The following RANBP2 variants were observed in gnomAD, a reference collection of about 807,000 sequenced individuals.
RANBP2 encodes E3 SUMO-protein ligase RanBP2.
Under a neutral mutation model 303.6 loss-of-function variants are expected in RANBP2, and 57 were observed. That is an observed-to-expected ratio of 0.19 (90% CI 0.15 to 0.23). RANBP2 has a LOEUF of 0.23. Among genes scored for constraint, RANBP2 ranks in the 10% least tolerant of loss-of-function variants. The probability of loss-of-function intolerance (pLI) is 1.00; values close to 1 mark genes in which losing one functional copy is unlikely to be tolerated. For synonymous variants in RANBP2, 1,167 were observed against 1,301.5 expected, an observed-to-expected ratio of 0.90 and a Z score of 2.23; for missense variants, 3,138 against 3,780.8, an observed-to-expected ratio of 0.83 and a Z score of 4.46.
the RANBP2 span, among the ~76,000 whole-genome samples, chr2:109,284,744 G>T: frequency 6.6e-6 from 1 of 152,198 alleles, no homozygotes; most frequent in African/African-American, 2.4e-5. Flanking sequence ...TGCAGGTGAA[G>T]TCCCCGCATG....
At chr2:108,982,162 A>G in the RANBP2 span, among the ~76,000 whole-genome samples, 3 of 152,246 alleles carry the variant, frequency 2.0e-5, no homozygotes, top group African/African-American at 7.2e-5. Flanking sequence ...AGATCTCCCA[A>G]AGCCTTGAGA....
the RANBP2 span, among the ~76,000 whole-genome samples, chr2:108,953,394 G>A: frequency 1.3e-5 from 2 of 152,074 alleles, no homozygotes; most frequent in East Asian, 3.9e-4. Flanking sequence ...ACAAATTGTA[G>A]ATACTTTATC....
the RANBP2 span, among the ~76,000 whole-genome samples, chr2:108,796,541 C>T: frequency 6.6e-6 from 1 of 152,148 alleles, no homozygotes; most frequent in Non-Finnish European, 1.5e-5. Flanking sequence ...TTGTTCATTG[C>T]AGCTCTGTTC....
chr2:109,200,980 C>G, the RANBP2 span, among the ~76,000 whole-genome samples: 1 of 152,160 alleles, frequency 6.6e-6, no homozygotes, highest in Admixed American at 6.5e-5. Context: ...ACCCGGGCTG[C>G]TGCTGGGGAC....
At chr2:108,954,299 C>G in the RANBP2 span, among the ~76,000 whole-genome samples, 1 of 152,180 alleles carries the variant, frequency 6.6e-6, no homozygotes, top group African/African-American at 2.4e-5. Flanking sequence ...AAGACCTATA[C>G]CCCAAGATAT....
At chr2:109,583,849 A>C in the RANBP2 span, among the ~76,000 whole-genome samples, 3 of 152,318 alleles carry the variant, frequency 2.0e-5, no homozygotes, top group Admixed American at 2.0e-4. Flanking sequence ...ACATGGATGA[A>C]GCTGGAGGCC....
At chr2:109,090,334 A>ACG in the RANBP2 span, among the ~76,000 whole-genome samples, 36 of 142,202 alleles carry the variant, frequency 2.5e-4, no homozygotes, top group African/African-American at 9.1e-4. Flanking sequence ...ACACACACAC[A>ACG]CACACACACA....
chr2:108,841,306 A>G, the RANBP2 span, among the ~76,000 whole-genome samples: 2,704 of 152,270 alleles, frequency 0.018, 91 homozygotes, highest in African/African-American at 0.063. Context: ...GAGTTGTTCT[A>G]TATCCTTGCT....
At chr2:109,565,086 G>A in the RANBP2 span, among the ~76,000 whole-genome samples, 4 of 151,856 alleles carry the variant, frequency 2.6e-5, no homozygotes, top group Non-Finnish European at 4.4e-5. Flanking sequence ...GTGACCAGAG[G>A]ACTACAAATA....
chr2:109,437,731 A>T, the RANBP2 span, among the ~76,000 whole-genome samples: 10 of 151,342 alleles, frequency 6.6e-5, no homozygotes, highest in East Asian at 2.0e-3. Flanking sequence ...CTTAAGGAAA[A>T]CCGGTTTGGC....
the RANBP2 span, chr2:109,503,658 G>C: frequency 3.7e-4 from 57 of 152,344 alleles, no homozygotes; most frequent in African/African-American, 1.3e-3. Context: ...GAGGTGCACA[G>C]ATCAACAACC....
intron 1 of RANBP2, among the ~76,000 whole-genome samples, chr2:108,728,616 GAT>G (rs1694926765): frequency 1.3e-5 from 2 of 150,130 alleles, no homozygotes; most frequent in East Asian, 1.9e-4. Context: ...TGATGATGAT[GAT>G]GATGATGATG....
At chr2:109,001,788 A>T in the RANBP2 span, among the ~76,000 whole-genome samples, 1 of 152,050 alleles carries the variant, frequency 6.6e-6, no homozygotes, top group Non-Finnish European at 1.5e-5. Context: ...TAGAGTGCAG[A>T]GGCGCAATCT....
the RANBP2 span, among the ~76,000 whole-genome samples, chr2:109,718,959 G>A: frequency 7.1e-6 from 1 of 140,756 alleles, no homozygotes; most frequent in Non-Finnish European, 1.5e-5. Context: ...GCAGTGAGCT[G>A]AGATTGTGCC....
At chr2:109,576,802 A>C in the RANBP2 span, among the ~76,000 whole-genome samples, 3 of 152,218 alleles carry the variant, frequency 2.0e-5, no homozygotes, top group African/African-American at 4.8e-5. Flanking sequence ...AAGATAAAAA[A>C]TATGAATCAG....
chr2:109,123,173 C>T, the RANBP2 span, among the ~76,000 whole-genome samples: 6 of 152,244 alleles, frequency 3.9e-5, no homozygotes, highest in South Asian at 2.1e-4. Flanking sequence ...AGGTATCAGC[C>T]GTGGCTCAGA....
chr2:108,980,636 T>C, the RANBP2 span, among the ~76,000 whole-genome samples: 1 of 151,950 alleles, frequency 6.6e-6, no homozygotes, highest in East Asian at 1.9e-4. Context: ...TTTTATACAG[T>C]GTGGGGCCAG....
the RANBP2 span, among the ~76,000 whole-genome samples, chr2:109,408,552 C>G: frequency 3.3e-5 from 5 of 152,352 alleles, no homozygotes; most frequent in East Asian, 9.7e-4. Flanking sequence ...CTCTCAGGAC[C>G]TCGTCCTCCC....
At position 108,719,552 on chromosome 2, in the gene RANBP2, T is replaced by A. The variant is rs760563493; in HGVS notation, c.-55T>A. The A allele has an allele frequency of 1.8e-4, 281 of 1,569,196 alleles. No individual in the cohort carries two copies. The highest frequency in any genetic ancestry group is 2.0e-4 in the Non-Finnish European group (235 of 1,158,852). ...GCGCTTTCCTCTTGGAAGTGGCGAC[T>A]GCTGCGGGCCTGAGCGCTGGTCTCA... is the stretch of plus-strand genomic sequence containing the variant. On this transcript the variant is annotated 5_prime_UTR_variant, in exon 1 of 29. Coordinates refer to ENST00000283195, the MANE Select transcript of RANBP2 (RefSeq NM_006267.5).
Sources: gnomAD v4.1 joint callset for allele counts (sites outside exome capture counted in the v4.1 genomes callset) on GRCh38, gnomAD v4.1.1 for gene constraint, MANE v1.5 for transcripts, NCBI Gene and HGNC (gene_info 2026-07-23, HGNC 2026-07-21) for gene names.